The following NAA60 variants were observed in gnomAD, a reference collection of about 807,000 sequenced individuals.
NAA60 encodes the protein N-alpha-acetyltransferase 60, NatF catalytic subunit.
NAA60 carries 8 observed loss-of-function variants against 26.1 expected under a neutral mutation model. That is an observed-to-expected ratio of 0.31 (90% CI 0.18 to 0.55). NAA60 has a LOEUF of 0.55. Among genes scored for constraint, NAA60 ranks in the 20% least tolerant of loss-of-function variants. The pLI, the probability that NAA60 is intolerant of heterozygous loss-of-function variation, is 0.93. For synonymous variants in NAA60, 131 were observed against 122.5 expected, an observed-to-expected ratio of 1.07 and a Z score of -0.46; for missense variants, 290 against 311.3, an observed-to-expected ratio of 0.93 and a Z score of 0.51.
At chr16:3,469,085 C>CA (rs57070540) in intron 2 of NAA60, among the ~76,000 whole-genome samples, 9,432 of 129,014 alleles carry the variant, frequency 0.073, 404 homozygotes, top group Non-Finnish European at 0.093. Context: ...GACAACATCT[C>CA]AAAAAAAAAA....
Position 3,485,027 on chromosome 16 carries a change from C to G in NAA60, c.*172C>G, listed in dbSNP as rs903457524. The G allele has an allele frequency of 6.6e-7, 1 of 1,516,974 alleles. No homozygotes were observed. Among genetic ancestry groups the G allele is most frequent in the Non-Finnish European group, 8.8e-7 (1 of 1,132,658 alleles). The allele number at this position is 1,516,974 out of a possible 1,614,324, so 94.0% of individuals were successfully genotyped here. On this transcript the variant is annotated 3_prime_UTR_variant, in exon 7 of 8. Coordinates refer to ENST00000407558, the MANE Select transcript of NAA60 (RefSeq NM_001083601.3). ...CTACACGGGCTCGGGAACAGAACAT[C>G]GTGGGCATGCGCAGAGCATGCCCAT...
chr16:3,443,761 G>C lies in NAA60; in HGVS notation c.-153G>C. 6.5e-7 allele frequency: 1 copy of C among 1,533,610 alleles called. No individual in the cohort carries two copies. Among genetic ancestry groups the C allele is most frequent in the Non-Finnish European group, 8.7e-7 (1 of 1,145,716 alleles). ...TAGAGTCTTAGGGTGACCCCAGGGG[G>C]ACGTAATGTTTCCGAGAAGAAGGAC... On this transcript the variant is annotated 5_prime_UTR_variant, in exon 1 of 8. Coordinates refer to ENST00000407558, the MANE Select transcript of NAA60 (RefSeq NM_001083601.3).
rs192142859 is a variant in NAA60 at position 3,444,477 on chromosome 16, C to G, written c.-77+640C>G. 3.0e-3 allele frequency among the ~76,000 whole-genome samples: 455 copies of G among 152,126 alleles called. 3 individuals are homozygous for G. The highest frequency in any genetic ancestry group is 7.1e-3 in the Admixed American group (108 of 15,280). On this transcript the variant is annotated intron_variant, in intron 1 of 7. Coordinates refer to ENST00000407558, the MANE Select transcript of NAA60 (RefSeq NM_001083601.3). Reference sequence around the variant, plus strand: ...AAAAAAAAGACGAAAATGATAGGTACCTTGATAGAAAAGCCTGAAAAGTCT... The same window carrying G: ...AAAAAAAAGACGAAAATGATAGGTAGCTTGATAGAAAAGCCTGAAAAGTCT...
rs558262601 is a variant in NAA60, at chr16:3,446,988, C to T, written c.-76-1483C>T. ...TCCCGAGTAGCTGGGACTATAGGTG[C>T]GTACCACCACACCTGGCGAATTTTT... On this transcript the variant is annotated intron_variant, in intron 1 of 7. Transcript: ENST00000407558. Among the ~76,000 whole-genome samples, 5 of 151,816 alleles carry T rather than the reference C, an allele frequency of 3.3e-5. No homozygotes were observed. The South Asian group carries it at 6.2e-4, about 19-fold the overall frequency.
intron 2 of NAA60, among the ~76,000 whole-genome samples, chr16:3,457,206 G>A (rs2035036204): frequency 6.6e-6 from 1 of 152,200 alleles, no homozygotes; most frequent in South Asian, 2.1e-4. Flanking sequence ...AGTATTTTAA[G>A]AGGCCCAGGC....
chr16:3,458,024 G>A (rs2035092108), intron 2 of NAA60: 11 of 985,230 alleles, frequency 1.1e-5, no homozygotes, highest in Non-Finnish European at 1.3e-5. Flanking sequence ...GGAGCGGGAG[G>A]CGGAAGTGCC....
intron 2 of NAA60, chr16:3,472,420 TTTTG>T (rs982108589): frequency 3.3e-5 from 5 of 152,234 alleles, no homozygotes; most frequent in African/African-American, 9.7e-5. Context: ...TTTTTGTTTG[TTTTG>T]TTTATTTTTT....
In NAA60 at chr16:3,482,567, C is replaced by T. The variant is rs369753931; in HGVS notation, c.306C>T (p.Gly102=). Residue 102 remains glycine, a synonymous_variant, in exon 5 of 8, where the codon GGC becomes GGT. Coordinates refer to ENST00000407558, the MANE Select transcript of NAA60 (RefSeq NM_001083601.3). The part of the protein sequence containing the change: ...DTQVAYILSL[G]VVKEFRKHGI... ...AAGTCGCGTACATCCTAAGTCTGGG[C>T]GTCGTGAAAGAGTTCAGGAAGCACG... 1.4e-5 allele frequency: 23 copies of T among 1,608,384 alleles called. No homozygotes were observed. The highest frequency in any genetic ancestry group is 5.1e-5 in the Admixed American group (3 of 59,344).
At chr16:3,472,802 A>G (rs1221814603) in intron 2 of NAA60, among the ~76,000 whole-genome samples, 1 of 152,188 alleles carries the variant, frequency 6.6e-6, no homozygotes, top group Non-Finnish European at 1.5e-5. Context: ...TCTAACGCCC[A>G]TTAATATTTT....
At chr16:3,446,327 C>G (rs578207131) in intron 1 of NAA60, among the ~76,000 whole-genome samples, 2 of 152,080 alleles carry the variant, frequency 1.3e-5, no homozygotes, top group South Asian at 2.1e-4. Context: ...GTCAGGAGAT[C>G]GAGACCATCC....
chr16:3,453,280 C>G (rs1236551605), intron 2 of NAA60, among the ~76,000 whole-genome samples: 1 of 152,034 alleles, frequency 6.6e-6, no homozygotes, highest in Non-Finnish European at 1.5e-5. Flanking sequence ...CACCTGTAGT[C>G]CCATCTACTC....
Position 3,448,451 on chromosome 16 carries a change from T to C in NAA60, c.-76-20T>C. The C allele has an allele frequency of 2.0e-6, 3 of 1,534,186 alleles. No individual in the cohort carries two copies. Among genetic ancestry groups the C allele is most frequent in the Non-Finnish European group, 2.6e-6 (3 of 1,145,748 alleles). ...ATGGCCAGGAGTGAAGTGATGGCCT[T>C]GTGTCTTTCTCCCCTGCAGCATACA... On this transcript the variant is annotated intron_variant, in intron 1 of 7. Transcript: ENST00000407558.
intron 1 of NAA60, among the ~76,000 whole-genome samples, chr16:3,446,358 C>G (rs1051732919): frequency 2.6e-5 from 4 of 151,754 alleles, no homozygotes; most frequent in African/African-American, 9.7e-5. Flanking sequence ...GATGAAACCC[C>G]ATCTATACTA....
Position 3,479,527 on chromosome 16 carries a change from C to T in NAA60, c.167C>T (p.Ala56Val). The T allele has an allele frequency of 6.2e-7, 1 of 1,614,026 alleles. No individual in the cohort carries two copies. Among genetic ancestry groups the T allele is most frequent in the Non-Finnish European group, 8.5e-7 (1 of 1,179,874 alleles). The change falls in exon 4 of 8, where the codon GCT becomes GTT. Residue 56 changes from alanine to valine, a missense_variant. By Grantham distance (64) the Ala-to-Val change is moderately conservative (BLOSUM62 0). Coordinates refer to ENST00000407558, the MANE Select transcript of NAA60 (RefSeq NM_001083601.3). The part of the protein sequence containing the change: ...ITSNKKFFSL[A>V]ATYRGAIVGM... ...TCCAACAAGAAGTTCTTTTCCCTTGCTGCAACCTACAGAGGTGCCATTGTG... is the reference window on the plus strand; with the variant it reads ...TCCAACAAGAAGTTCTTTTCCCTTGTTGCAACCTACAGAGGTGCCATTGTG...
rs747518542 is a variant in NAA60, at chr16:3,479,448, C to T, written c.111-23C>T. ...TTGGACTTGACCTGTGGCAGGTTCA[C>T]CTGAGTATGTTCTGTTTCTCAGGTA... is the stretch of plus-strand genomic sequence containing the variant. On this transcript the variant is annotated intron_variant, in intron 3 of 7. Transcript: ENST00000407558. 13 of 1,612,130 alleles carry T rather than the reference C, an allele frequency of 8.1e-6. No homozygotes were observed. The South Asian group carries it at 1.3e-4, about 16-fold the overall frequency.
At position 3,479,611 on chromosome 16, in the gene NAA60, G is replaced by A. The variant is rs755299798; in HGVS notation, c.240+11G>A. 3.7e-6 allele frequency: 6 copies of A among 1,613,634 alleles called. No individual in the cohort carries two copies. The highest frequency in any genetic ancestry group is 5.1e-6 in the Non-Finnish European group (6 of 1,179,676). On this transcript the variant is annotated intron_variant, in intron 4 of 7. Coordinates refer to ENST00000407558, the MANE Select transcript of NAA60 (RefSeq NM_001083601.3). ...AAAATACATAAAGAGGTACGTACGT[G>A]TGTGCAGTGAGGACTTGGCAGTCAC...
chr16:3,482,984 C>A, intron 5 of NAA60: 2 of 464,432 alleles, frequency 4.3e-6, no homozygotes, highest in Non-Finnish European at 7.8e-6. Context: ...ACCGTTTCTC[C>A]GATGTCCCAC....
chr16:3,471,765 T>A (rs180831424), intron 2 of NAA60, among the ~76,000 whole-genome samples: 1 of 152,204 alleles, frequency 6.6e-6, no homozygotes, highest in East Asian at 1.9e-4. Flanking sequence ...CTCAGAAACC[T>A]GGGCGGCTGG....
intron 2 of NAA60, among the ~76,000 whole-genome samples, chr16:3,471,121 A>C (rs2036111164): frequency 6.6e-6 from 1 of 152,212 alleles, no homozygotes; most frequent in Non-Finnish European, 1.5e-5. Flanking sequence ...GGAAATGTGC[A>C]GTCCCAGGAC....
Sources: gnomAD v4.1 joint callset for allele counts (sites outside exome capture counted in the v4.1 genomes callset) on GRCh38, gnomAD v4.1.1 for gene constraint, MANE v1.5 for transcripts, NCBI Gene and HGNC (gene_info 2026-07-23, HGNC 2026-07-21) for gene names.